SEC13: variants seen among roughly 807,000 people sequenced by gnomAD.
SEC13 encodes SEC13 homolog, nuclear pore and COPII component, also known as protein SEC13 homolog.
SEC13 carries 25 observed loss-of-function variants against 49.2 expected under a neutral mutation model. That is an observed-to-expected ratio of 0.51 (90% CI 0.37 to 0.71). The LOEUF is 0.71. SEC13 is among the 30% of genes least tolerant of loss of function. The pLI is 0.00. For synonymous variants in SEC13, 148 were observed against 163.9 expected, an observed-to-expected ratio of 0.90 and a Z score of 0.74; for missense variants, 383 against 417.6, an observed-to-expected ratio of 0.92 and a Z score of 0.72.
chr3:10,307,207 A>C (rs1041061561), intron 5 of SEC13, among the ~76,000 whole-genome samples: 29 of 108,154 alleles, frequency 2.7e-4, no homozygotes, highest in Non-Finnish European at 4.5e-4. Flanking sequence ...GGTGTGAGCC[A>C]CTGCCTTTTT....
chr3:10,315,470 G>C, intron 2 of SEC13, 34 bp from the exon 3 acceptor site: 1 of 888,918 alleles, frequency 1.1e-6, no homozygotes, highest in Non-Finnish European at 1.7e-6. Flanking sequence ...AAGCCTGCAG[G>C]CTGGGTGGGT....
chr3:10,305,963 T>C, intron 5 of SEC13: 1 of 317,508 alleles, frequency 3.1e-6, no homozygotes. Flanking sequence ...GAAAGAATGG[T>C]ACATTGGAGC....
intron 1 of SEC13, 66 bp from the exon 2 acceptor site, chr3:10,318,160 T>C: frequency 9.3e-7 from 1 of 1,072,750 alleles, no homozygotes; most frequent in Non-Finnish European, 1.4e-6. Context: ...CTCAAGTTCT[T>C]GACTGCATTT....
At chr3:10,301,525 TGA>T (rs1315964578) in intron 8 of SEC13, 151 bp from the exon 9 acceptor site, 16 of 988,416 alleles carry the variant, frequency 1.6e-5, no homozygotes, top group African/African-American at 4.9e-5. Context: ...CTCACCAAAA[TGA>T]GAGTCCAGGA....
rs751967913 is a variant in SEC13 at position 10,313,391 on chromosome 3, C to T, written c.165-661G>A. On this transcript the variant is annotated intron_variant, in intron 3 of 8. Transcript: ENST00000350697. ...GGTTAGGAGACCAGACCCATTCTCC[C>T]ATTCACTAGCTCTTGACTTTAGGCA... is the stretch of plus-strand genomic sequence containing the variant. The T allele has an allele frequency of 9.5e-6, 5 of 527,856 alleles. No homozygotes were observed. The Admixed American group carries it at 9.7e-5, about 10-fold the overall frequency. 32.7% of individuals were successfully genotyped at this position (527,856 alleles called of 1,614,324 possible). A position where few individuals can be genotyped will look rare whatever the true frequency, so the allele number is the denominator to read the frequency against.
chr3:10,320,922 A>C, intron 1 of SEC13, 128 bp downstream of exon 1: 1 of 1,501,396 alleles, frequency 6.7e-7, no homozygotes, highest in Non-Finnish European at 8.9e-7. Flanking sequence ...AGCCCCCCAA[A>C]TCTCTAAGCG....
intron 2 of SEC13, 106 bp downstream of exon 2, chr3:10,317,944 T>G (rs1642977): frequency 1.4e-6 from 1 of 735,896 alleles, no homozygotes; most frequent in Non-Finnish European, 2.4e-6. Flanking sequence ...CCACCCTGGA[T>G]CCATGAATGA....
In SEC13 at chr3:10,305,645, G is replaced by A; in HGVS notation, c.498C>T (p.Ser166=). 6.2e-7 allele frequency: 1 copy of A among 1,614,212 alleles called. No homozygotes were observed. The highest frequency in any genetic ancestry group is 8.5e-7 in the Non-Finnish European group (1 of 1,180,022). Residue 166 remains serine (S), a synonymous_variant, in exon 6 of 9, where the codon AGC becomes AGT. Transcript: ENST00000350697. ...TCTGCCCCGATGGGTGGTCTATGAGGCTTCCAGGTACAACAGCAGGGGCCC... is the reference window on the plus strand; with the variant it reads ...TCTGCCCCGATGGGTGGTCTATGAGACTTCCAGGTACAACAGCAGGGGCCC... The part of the protein sequence containing the change: ...VSWAPAVVPG[S]LIDHPSGQKP...
chr3:10,302,994 T>TAGAC (rs892048754), intron 8 of SEC13, among the ~76,000 whole-genome samples: 5 of 152,124 alleles, frequency 3.3e-5, no homozygotes, highest in African/African-American at 1.2e-4. Context: ...CACATTCACA[T>TAGAC]AGACAGAAAG....
chr3:10,306,955 G>C (rs1256036732), intron 5 of SEC13, among the ~76,000 whole-genome samples: 3 of 151,960 alleles, frequency 2.0e-5, no homozygotes, highest in Non-Finnish European at 2.9e-5. Context: ...ACTAATACAA[G>C]GTCAAAAAGG....
At chr3:10,319,798 G>A (rs1472276512) in intron 1 of SEC13, among the ~76,000 whole-genome samples, 12 of 8,800 alleles carry the variant, frequency 1.4e-3, no homozygotes, top group Non-Finnish European at 2.6e-3. Context: ...GAGAGAGAAG[G>A]CGGGGGGGGG....
At chr3:10,307,573 G>A (rs545699336) in intron 5 of SEC13, among the ~76,000 whole-genome samples, 1 of 152,272 alleles carries the variant, frequency 6.6e-6, no homozygotes, top group East Asian at 1.9e-4. Context: ...CAGCAAAAAG[G>A]GAGAGAGAGC....
chr3:10,304,933 TC>T, intron 7 of SEC13, 99 bp downstream of exon 7: 3 of 1,568,864 alleles, frequency 1.9e-6, no homozygotes, highest in Non-Finnish European at 2.6e-6. Context: ...CCTGTTGCTC[TC>T]CCTTTACCTT....
intron 5 of SEC13, chr3:10,305,981 T>A (rs1177581145): frequency 2.7e-5 from 7 of 258,832 alleles, no homozygotes; most frequent in African/African-American, 1.1e-4. Context: ...AGCTTTTTTT[T>A]AAGAAAAATC....
chr3:10,315,173 G>C lies in SEC13; in HGVS notation c.164+148C>G, dbSNP rs1276551220. ...TGGGGACGTCCGCTGAGGACAGCCA[G>C]GCTGGCTGGGATCCCAGCGTCCTCT... On this transcript the variant is annotated intron_variant, in intron 3 of 8. Transcript: ENST00000350697. 4 of 624,934 alleles carry C rather than the reference G, an allele frequency of 6.4e-6. No individual in the cohort carries two copies. In the African/African-American group the frequency reaches 7.4e-5, roughly 12 times the overall value. 38.7% of individuals were successfully genotyped at this position (624,934 alleles called of 1,614,324 possible).
In SEC13 at chr3:10,305,084, G is replaced by A. The variant is rs775446930; in HGVS notation, c.657C>T (p.Ala219=). ...TGGGCAGGCCGATGGAGGGGGCCCAGGCCACATCTCGAACCCAGTCACTGT... is the reference window on the plus strand; with the variant it reads ...TGGGCAGGCCGATGGAGGGGGCCCAAGCCACATCTCGAACCCAGTCACTGT... ...EAHSDWVRDV[A]WAPSIGLPTS... Residue 219 remains alanine (A), a synonymous_variant, in exon 7 of 9, where the codon GCC becomes GCT. Coordinates refer to ENST00000350697, the MANE Select transcript of SEC13 (RefSeq NM_183352.3). 9.9e-6 allele frequency: 16 copies of A among 1,614,044 alleles called. No homozygotes were observed. In the African/African-American group the frequency reaches 2.1e-4, roughly 22 times the overall value.
At chr3:10,315,484 TGGG>T in intron 2 of SEC13, 48 bp from the exon 3 acceptor site, 2 of 3,186 alleles carry the variant, frequency 6.3e-4, no homozygotes, top group South Asian at 1.8e-3. Flanking sequence ...GGTGGGTGGG[TGGG>T]TGGGGTGAGG....
intron 7 of SEC13, among the ~76,000 whole-genome samples, chr3:10,304,828 A>G (rs1700765221): frequency 6.6e-6 from 1 of 152,202 alleles, no homozygotes; most frequent in Non-Finnish European, 1.5e-5. Flanking sequence ...GTTCTGTTGT[A>G]GCTGTCTCAT....
intron 2 of SEC13, among the ~76,000 whole-genome samples, chr3:10,317,210 TC>T (rs942988797): frequency 1.3e-5 from 2 of 152,136 alleles, no homozygotes; most frequent in African/African-American, 4.8e-5. Context: ...GACTGGGTCT[TC>T]CTGCCCATGA....
Sources: allele counts gnomAD v4.1 joint callset (sites outside exome capture counted in the v4.1 genomes callset), GRCh38; gene constraint gnomAD v4.1.1; transcripts MANE v1.5; gene names NCBI Gene and HGNC (gene_info 2026-07-23, HGNC 2026-07-21).